The following PVT1 variants were observed in gnomAD, a reference collection of about 807,000 sequenced individuals.
PVT1 encodes the protein CXCR4/PVT1 fusion.
At chr8:127,891,917 G>A (rs1412876802) in intron 3 of PVT1, among the ~76,000 whole-genome samples, 1 of 152,212 alleles carries the variant, frequency 6.6e-6, no homozygotes, top group African/African-American at 2.4e-5. Flanking sequence ...TTGCAGTTCT[G>A]CAGCTGACAA....
At chr8:128,100,887 A>G (rs908922828) in intron 6 of PVT1, 44 of 152,244 alleles carry the variant, frequency 2.9e-4, no homozygotes, top group African/African-American at 1.0e-3. Context: ...AGCTGCAGAC[A>G]TTATTCCGAA....
chr8:127,906,906 G>A (rs1815829301), intron 3 of PVT1, among the ~76,000 whole-genome samples: 1 of 151,326 alleles, frequency 6.6e-6, no homozygotes, highest in East Asian at 1.9e-4. Context: ...GAGACACCCA[G>A]CCATTAAGGA....
chr8:127,903,571 G>A (rs928870009), intron 3 of PVT1, among the ~76,000 whole-genome samples: 1 of 152,136 alleles, frequency 6.6e-6, no homozygotes, highest in Non-Finnish European at 1.5e-5. Context: ...GAAGTCTTAA[G>A]TCTTTAATCC....
At chr8:127,828,591 C>CGGTGGTTTTG (rs1814816557) in intron 2 of PVT1, among the ~76,000 whole-genome samples, 1 of 152,014 alleles carries the variant, frequency 6.6e-6, no homozygotes, top group Non-Finnish European at 1.5e-5. Flanking sequence ...AACCTCTTCA[C>CGGTGGTTTTG]GGTGGTTTTG....
chr8:127,935,207 C>G (rs1816258292), intron 3 of PVT1, among the ~76,000 whole-genome samples: 1 of 152,154 alleles, frequency 6.6e-6, no homozygotes, highest in South Asian at 2.1e-4. Flanking sequence ...CTCAGGTGAT[C>G]TGCCCGCCTC....
At chr8:128,065,718 G>C (rs552217761) in intron 4 of PVT1, among the ~76,000 whole-genome samples, 36 of 151,454 alleles carry the variant, frequency 2.4e-4, no homozygotes, top group Admixed American at 9.9e-4. Flanking sequence ...ATGCACCAAG[G>C]GGGGAAGAAG....
chr8:127,968,230 C>T (rs141997841), intron 3 of PVT1, among the ~76,000 whole-genome samples: 3 of 152,260 alleles, frequency 2.0e-5, no homozygotes, highest in East Asian at 1.9e-4. Flanking sequence ...GACCCTCCTG[C>T]CTGGCTTTTG....
intron 4 of PVT1, among the ~76,000 whole-genome samples, chr8:128,051,973 T>A (rs776734238): frequency 2.0e-4 from 30 of 152,256 alleles, no homozygotes; most frequent in Middle Eastern, 3.2e-3. Context: ...TGTTTTTTAG[T>A]CATGTTTCCT....
intron 3 of PVT1, among the ~76,000 whole-genome samples, chr8:127,907,315 C>T (rs906715157): frequency 4.6e-5 from 7 of 152,168 alleles, no homozygotes; most frequent in African/African-American, 1.4e-4. Context: ...GCTTCCTACC[C>T]CAGACATGTC....
At chr8:127,973,758 CA>C (rs59889146) in intron 3 of PVT1, among the ~76,000 whole-genome samples, 114,654 of 150,946 alleles carry the variant, frequency 0.76, 43,942 homozygotes, top group South Asian at 0.88. Flanking sequence ...GTGGGTGGAT[CA>C]ACGAGGTCAG....
intron 2 of PVT1, among the ~76,000 whole-genome samples, chr8:127,821,951 G>T (rs1274030116): frequency 6.6e-6 from 1 of 152,200 alleles, no homozygotes; most frequent in Non-Finnish European, 1.5e-5. Context: ...TATGTGGCAG[G>T]CCTACCAGGT....
In PVT1 at chr8:128,065,055, A is replaced by G. The variant is rs75946149; in HGVS notation, n.913-5105A>G. On this transcript the variant is annotated intron_variant and non_coding_transcript_variant, in intron 4 of 10. Coordinates refer to ENST00000651587, the Ensembl canonical transcript of PVT1. The stretch of plus-strand genomic sequence containing the variant: ...TTTACTATCAGAGAAACAGAGGCCT[A>G]CAGGGGGAAGGAATTGCCCAAGTTT... Among the ~76,000 whole-genome samples the G allele has an allele frequency of 7.6e-3, 1,164 of 152,356 alleles. 19 individuals are homozygous for G. The highest frequency in any genetic ancestry group is 0.027 in the African/African-American group (1,118 of 41,580).
chr8:127,880,364 C>T (rs1323099110), intron 2 of PVT1, among the ~76,000 whole-genome samples: 1 of 152,028 alleles, frequency 6.6e-6, no homozygotes, highest in Admixed American at 6.5e-5. Flanking sequence ...GATCTTGGCT[C>T]ACTGCAACCT....
chr8:127,827,423 T>C (rs1042799928), intron 2 of PVT1, among the ~76,000 whole-genome samples: 7 of 152,162 alleles, frequency 4.6e-5, no homozygotes, highest in Non-Finnish European at 8.8e-5. Context: ...AGCCAACTGC[T>C]CCTCTGGTTC....
intron 3 of PVT1, among the ~76,000 whole-genome samples, chr8:127,934,162 G>A (rs1258686560): frequency 6.6e-6 from 1 of 152,216 alleles, no homozygotes; most frequent in Non-Finnish European, 1.5e-5. Flanking sequence ...TTTCAAAGGG[G>A]CAAAGAAACT....
chr8:127,946,796 A>G (rs1816426001), intron 3 of PVT1: 1 of 153,930 alleles, frequency 6.5e-6, no homozygotes, highest in Non-Finnish European at 1.5e-5. Context: ...AATTCCTAGA[A>G]TCCCAGAAAA....
intron 5 of PVT1, among the ~76,000 whole-genome samples, chr8:128,080,369 T>C (rs569339302): frequency 4.7e-4 from 72 of 152,366 alleles, no homozygotes; most frequent in Non-Finnish European, 9.0e-4. Context: ...TGAGAGTCCC[T>C]GTTGCTCCAA....
chr8:128,075,780 A>G (rs370811733), intron 5 of PVT1, among the ~76,000 whole-genome samples: 1 of 152,160 alleles, frequency 6.6e-6, no homozygotes, highest in Non-Finnish European at 1.5e-5. Context: ...TAACTGCTAC[A>G]TTGTTCTATT....
At chr8:127,984,843 TTCTTTCTTTC>T (rs1816927823) in intron 3 of PVT1, among the ~76,000 whole-genome samples, 1 of 17,246 alleles carries the variant, frequency 5.8e-5, no homozygotes, top group Admixed American at 6.9e-4. Context: ...TTTCTTTTCT[TTCTTTCTTTC>T]TTTCTTTCTT....
Sources: allele counts gnomAD v4.1 joint callset (sites outside exome capture counted in the v4.1 genomes callset), GRCh38; gene constraint gnomAD v4.1.1; transcripts MANE v1.5; gene names NCBI Gene and HGNC (gene_info 2026-07-23, HGNC 2026-07-21).